Variants in DOP1B observed in about 807,000 individuals in gnomAD.
DOP1B encodes the protein protein DOP1B.
In DOP1B, 174 loss-of-function variants were observed where a neutral mutation model predicts 233.5. The observed-to-expected ratio is 0.75, with a 90% CI of 0.66 to 0.85. The LOEUF (loss-of-function observed/expected upper bound fraction) is 0.85. DOP1B is among the 40% of genes least tolerant of loss of function. The pLI, the probability that DOP1B is intolerant of heterozygous loss-of-function variation, is 0.00. For missense variants in DOP1B, 2,652 were observed against 2,846.6 expected, an observed-to-expected ratio of 0.93 and a Z score of 1.56; for synonymous variants, 1,190 against 1,185.6, an observed-to-expected ratio of 1.00 and a Z score of -0.08.
At chr21:36,202,805 A>G (rs2066384339) in intron 4 of DOP1B, among the ~76,000 whole-genome samples, 1 of 152,010 alleles carries the variant, frequency 6.6e-6, no homozygotes, top group South Asian at 2.1e-4. Context: ...ACACGGTGAG[A>G]CTCGGTAAGT....
intron 2 of DOP1B, among the ~76,000 whole-genome samples, chr21:36,183,602 A>C (rs1284661188): frequency 6.6e-6 from 1 of 152,252 alleles, no homozygotes; most frequent in East Asian, 1.9e-4. Flanking sequence ...GGACGCCTAC[A>C]GAGCAGTTGC....
At chr21:36,220,413 A>G (rs1009821927) in intron 10 of DOP1B, among the ~76,000 whole-genome samples, 1 of 152,250 alleles carries the variant, frequency 6.6e-6, no homozygotes, top group African/African-American at 2.4e-5. Context: ...CTAGATTTCT[A>G]CTACATACAT....
chr21:36,289,868 C>T (rs1399348794), intron 35 of DOP1B, among the ~76,000 whole-genome samples: 1 of 152,096 alleles, frequency 6.6e-6, no homozygotes. Flanking sequence ...GTAAAAAGAT[C>T]AGTGGTCGCC....
At chr21:36,227,947 G>A (rs1348108083) in intron 13 of DOP1B, 70 bp downstream of exon 13, 9 of 1,405,864 alleles carry the variant, frequency 6.4e-6, no homozygotes, top group Admixed American at 2.7e-5. Context: ...GGAGTAGAAA[G>A]TCTTTAGGGT....
At position 36,230,963 on chromosome 21, in the gene DOP1B, G is replaced by C. The variant is rs768468115; in HGVS notation, c.2179G>C (p.Gly727Arg). 4.3e-6 allele frequency: 7 copies of C among 1,613,998 alleles called. No homozygotes were observed. Among genetic ancestry groups the C allele is most frequent in the Middle Eastern group, 3.3e-4 (2 of 6,084 alleles). ...SSPSSPARKN[G>R]GEWDVEKVVI... ...GCCCAGCAGCCCTGCCAGGAAAAAC[G>C]GGGGAGAATGGGATGTTGAGAAGGT... The change falls in exon 14 of 37, where the codon GGG becomes CGG. Residue 727 changes from glycine (G) to arginine (R), a missense_variant. Gly to Arg is a moderately radical substitution (Grantham distance 125). Around this residue, in one of 3 missense-constraint regions of DOP1B, gnomAD observed 2,617 missense variants for 2,794.3 expected, o/e 0.94. Coordinates refer to ENST00000691173, the MANE Select transcript of DOP1B (RefSeq NM_001320714.2).
intron 27 of DOP1B, among the ~76,000 whole-genome samples, chr21:36,272,984 C>CAA (rs1167312513): frequency 3.4e-3 from 193 of 56,252 alleles, no homozygotes; most frequent in East Asian, 6.5e-3. Flanking sequence ...AACTCCATCT[C>CAA]AAAAAAAAAA....
intron 2 of DOP1B, among the ~76,000 whole-genome samples, chr21:36,177,987 CAAGA>C (rs149979633): frequency 0.042 from 6,419 of 152,152 alleles, 193 homozygotes; most frequent in Non-Finnish European, 0.058. Context: ...TAAATTCTCC[CAAGA>C]AAGTTAGGAG....
intron 18 of DOP1B, among the ~76,000 whole-genome samples, chr21:36,240,461 CAGAG>C (rs1331204473): frequency 2.6e-5 from 4 of 152,164 alleles, no homozygotes; most frequent in African/African-American, 4.8e-5. Flanking sequence ...GCCTGGGTGA[CAGAG>C]AGAGACTGTC....
chr21:36,244,019 C>CTTTTTTTT (rs35020490), intron 18 of DOP1B, among the ~76,000 whole-genome samples: 15 of 70,580 alleles, frequency 2.1e-4, no homozygotes, highest in South Asian at 6.1e-4. Context: ...TTTTCCTTTC[C>CTTTTTTTT]TTTTTTTTTT....
intron 23 of DOP1B, among the ~76,000 whole-genome samples, chr21:36,256,486 A>G (rs892255551): frequency 1.3e-5 from 2 of 152,216 alleles, no homozygotes; most frequent in African/African-American, 4.8e-5. Flanking sequence ...ATTAAAAAAT[A>G]TAGCTATACT....
rs56362056 is a variant in DOP1B, at chr21:36,293,979, CAA to C, written c.*421_*422del. Reference sequence around the variant, plus strand: ...CTGTGTGACAGAATGAGACCATCTCCAAAAAAAAAAAAAAGTAGATTTCAGAT... The same window carrying C: ...CTGTGTGACAGAATGAGACCATCTCCAAAAAAAAAAAAGTAGATTTCAGAT... On this transcript the variant is annotated 3_prime_UTR_variant, in exon 37 of 37. Transcript: ENST00000691173. 114 of 132,730 alleles carry C rather than the reference CAA, an allele frequency of 8.6e-4. No individual in the cohort carries two copies. The highest frequency in any genetic ancestry group is 2.5e-3 in the South Asian group (11 of 4,456). The allele number at this position is 132,730 out of a possible 1,614,324, so 8.2% of individuals were successfully genotyped here.
At chr21:36,281,211 G>T (rs1472203262) in intron 31 of DOP1B, among the ~76,000 whole-genome samples, 2 of 152,138 alleles carry the variant, frequency 1.3e-5, no homozygotes, top group African/African-American at 4.8e-5. Context: ...CAGGAGGATC[G>T]CTTGAACCCA....
At chr21:36,283,011 G>A (rs1256724121) in intron 32 of DOP1B, among the ~76,000 whole-genome samples, 1 of 150,912 alleles carries the variant, frequency 6.6e-6, no homozygotes, top group African/African-American at 2.4e-5. Flanking sequence ...AACATCGTAC[G>A]TGATTGTCAG....
chr21:36,292,099 T>G lies in DOP1B; in HGVS notation c.6516-5T>G. 1.3e-6 allele frequency: 2 copies of G among 1,591,446 alleles called. No homozygotes were observed. Among genetic ancestry groups the G allele is most frequent in the Non-Finnish European group, 1.7e-6 (2 of 1,173,916 alleles). Reference sequence around the variant, plus strand: ...CAGACCTGACCTTCTGTTTGTTCCCTGCAGTTATAGGTGGGCATTTATTCC... The same window carrying G: ...CAGACCTGACCTTCTGTTTGTTCCCGGCAGTTATAGGTGGGCATTTATTCC... On this transcript the variant is annotated splice_region_variant and splice_polypyrimidine_tract_variant and intron_variant, in intron 35 of 36. Coordinates refer to ENST00000691173, the MANE Select transcript of DOP1B (RefSeq NM_001320714.2).
chr21:36,253,479 C>T (rs999914256), intron 22 of DOP1B, among the ~76,000 whole-genome samples: 1 of 151,996 alleles, frequency 6.6e-6, no homozygotes, highest in Non-Finnish European at 1.5e-5. Context: ...TTTGGAAGAC[C>T]GAGGCGGGCA....
At chr21:36,211,279 G>A (rs933044067) in intron 5 of DOP1B, among the ~76,000 whole-genome samples, 1 of 152,116 alleles carries the variant, frequency 6.6e-6, no homozygotes, top group Non-Finnish European at 1.5e-5. Context: ...ATCCTTTCTG[G>A]GATCGTAGAA....
intron 14 of DOP1B, 97 bp from the exon 15 acceptor site, chr21:36,232,707 A>G (rs2066781153): frequency 6.5e-7 from 1 of 1,530,602 alleles, no homozygotes; most frequent in Non-Finnish European, 8.8e-7. Flanking sequence ...TTTCTCAGGT[A>G]ACTTCCCAGA....
chr21:36,226,609 T>C (rs1168180202), intron 12 of DOP1B, among the ~76,000 whole-genome samples: 1 of 151,406 alleles, frequency 6.6e-6, no homozygotes, highest in Non-Finnish European at 1.5e-5. Context: ...TCTTTTCTCT[T>C]TTTTGAGATA....
rs2067400608 is a variant in DOP1B at position 36,280,192 on chromosome 21, T to C, written c.5970-93T>C. ...ACCTGGCCCAGAAAGCAGTTTTTAA[T>C]ATATCTTAAGAGGATATGTTATTTT... On this transcript the variant is annotated intron_variant, in intron 30 of 36. Transcript: ENST00000691173. The C allele has an allele frequency of 3.1e-6, 3 of 957,810 alleles. No individual in the cohort carries two copies. The South Asian group carries it at 4.8e-5, about 15-fold the overall frequency. 59.3% of individuals were successfully genotyped at this position (957,810 alleles called of 1,614,324 possible). A position where few individuals can be genotyped will look rare whatever the true frequency, so the allele number is the denominator to read the frequency against.
Sources: allele counts gnomAD v4.1 joint callset (sites outside exome capture counted in the v4.1 genomes callset), GRCh38; gene constraint gnomAD v4.1.1; regional missense constraint gnomAD v4.1.1; transcripts MANE v1.5; gene names NCBI Gene and HGNC (gene_info 2026-07-23, HGNC 2026-07-21).